The following XPNPEP3 variants were observed in gnomAD, a reference collection of about 807,000 sequenced individuals.
XPNPEP3 encodes X-prolyl aminopeptidase 3, also known as xaa-Pro aminopeptidase 3.
XPNPEP3 carries 41 observed loss-of-function variants against 60.0 expected under a neutral mutation model. The ratio of observed to expected loss-of-function variants is 0.68; its 90% CI spans 0.53 to 0.89. The LOEUF is 0.89. Among genes scored for constraint, XPNPEP3 ranks in the 40% least tolerant of loss-of-function variants. The pLI is 0.00. For missense variants in XPNPEP3, 598 were observed against 638.9 expected, an observed-to-expected ratio of 0.94 and a Z score of 0.69; for synonymous variants, 212 against 223.2, an observed-to-expected ratio of 0.95 and a Z score of 0.45.
intron 1 of XPNPEP3, among the ~76,000 whole-genome samples, chr22:40,863,043 T>C (rs1035660904): frequency 2.0e-5 from 3 of 152,338 alleles, no homozygotes; most frequent in East Asian, 1.9e-4. Context: ...GTCAGCCACA[T>C]AGTGATCTAA....
intron 2 of XPNPEP3, among the ~76,000 whole-genome samples, chr22:40,873,092 C>CTTTTTCT (rs2058013187): frequency 8.0e-6 from 1 of 125,580 alleles, no homozygotes; most frequent in African/African-American, 3.1e-5. Context: ...TTTTCTTTTT[C>CTTTTTCT]TTTTTCTTTT....
At chr22:40,907,377 C>T (rs1447554916) in intron 4 of XPNPEP3, among the ~76,000 whole-genome samples, 4 of 151,798 alleles carry the variant, frequency 2.6e-5, no homozygotes, top group Admixed American at 6.6e-5. Flanking sequence ...GCCGAGATCG[C>T]GCCACTGCAC....
Position 40,862,184 on chromosome 22 carries a change from G to A in XPNPEP3, c.64+4939G>A, listed in dbSNP as rs1176125372. 8.6e-6 allele frequency: 12 copies of A among 1,394,590 alleles called. No homozygotes were observed. In the East Asian group the frequency reaches 3.4e-4, roughly 39 times the overall value. The allele number at this position is 1,394,590 out of a possible 1,614,324, so 86.4% of individuals were successfully genotyped here. A position where few individuals can be genotyped will look rare whatever the true frequency, so the allele number is the denominator to read the frequency against. Reference sequence around the variant, plus strand: ...ATGTGGCAAGCAGAGTTACAAATATGTCAGAGAGGGCTGCATTATGGTGTC... The same window carrying A: ...ATGTGGCAAGCAGAGTTACAAATATATCAGAGAGGGCTGCATTATGGTGTC... On this transcript the variant is annotated intron_variant, in intron 1 of 9. Transcript: ENST00000357137.
intron 7 of XPNPEP3, among the ~76,000 whole-genome samples, chr22:40,915,931 A>G (rs557086234): frequency 1.3e-5 from 2 of 152,322 alleles, no homozygotes; most frequent in South Asian, 4.1e-4. Context: ...AAGCTATCCA[A>G]GTTAACAAAA....
rs1419536490 is a variant in XPNPEP3 at position 40,861,416 on chromosome 22, G to A, written c.64+4171G>A. 7.4e-6 allele frequency: 12 copies of A among 1,613,582 alleles called. No individual in the cohort carries two copies. The East Asian group carries it at 8.9e-5, about 12-fold the overall frequency. ...TTGTATTAATATTTCTGCCATTAAC[G>A]ATTTTGTCTGAAGTTGTAACAGATA... On this transcript the variant is annotated intron_variant, in intron 1 of 9. Coordinates refer to ENST00000357137, the MANE Select transcript of XPNPEP3 (RefSeq NM_022098.4).
rs1348052092 is a variant in XPNPEP3 at position 40,862,058 on chromosome 22, G to T, written c.64+4813G>T. 12 of 1,527,928 alleles carry T rather than the reference G, an allele frequency of 7.9e-6. No individual in the cohort carries two copies. The South Asian group carries it at 1.4e-4, about 17-fold the overall frequency. The allele number at this position is 1,527,928 out of a possible 1,614,324, so 94.6% of individuals were successfully genotyped here. Reference sequence around the variant, plus strand: ...GAGAACCGTGGTTTCCTCAGCTCAGGCTCTGCTGGTGGTGGTGATAGAGGT... The same window carrying T: ...GAGAACCGTGGTTTCCTCAGCTCAGTCTCTGCTGGTGGTGGTGATAGAGGT... On this transcript the variant is annotated intron_variant, in intron 1 of 9. Transcript: ENST00000357137.
At chr22:40,897,029 C>CTT (rs762152639) in intron 4 of XPNPEP3, among the ~76,000 whole-genome samples, 1,360 of 107,586 alleles carry the variant, frequency 0.013, 25 homozygotes, top group Middle Eastern at 0.018. Context: ...TTTCCTTCAT[C>CTT]TTTTTTTTTT....
chr22:40,891,285 A>G (rs928765413), intron 4 of XPNPEP3, among the ~76,000 whole-genome samples: 1 of 147,548 alleles, frequency 6.8e-6, no homozygotes, highest in Non-Finnish European at 1.5e-5. Context: ...ACTTGAGCCC[A>G]GGAAGTCAAG....
chr22:40,861,127 C>A, intron 1 of XPNPEP3: 1 of 1,612,078 alleles, frequency 6.2e-7, no homozygotes, highest in Non-Finnish European at 8.5e-7. Context: ...TTCCTCTTAC[C>A]ACCCTCTTTG....
intron 4 of XPNPEP3, among the ~76,000 whole-genome samples, chr22:40,903,464 G>A (rs989365543): frequency 6.6e-6 from 1 of 150,946 alleles, no homozygotes; most frequent in African/African-American, 2.4e-5. Flanking sequence ...TGTGATGGAC[G>A]TACATCTGTG....
At chr22:40,857,925 T>C (rs1398566973) in intron 1 of XPNPEP3, among the ~76,000 whole-genome samples, 2 of 152,214 alleles carry the variant, frequency 1.3e-5, no homozygotes, top group Non-Finnish European at 2.9e-5. Flanking sequence ...CAAAGCTATG[T>C]CTTGGCATAT....
At chr22:40,894,027 G>A (rs560773196) in intron 4 of XPNPEP3, among the ~76,000 whole-genome samples, 126 of 152,242 alleles carry the variant, frequency 8.3e-4, no homozygotes, top group African/African-American at 2.9e-3. Context: ...GGAGGAGAAC[G>A]CCAGACATGG....
intron 4 of XPNPEP3, among the ~76,000 whole-genome samples, chr22:40,895,668 T>TA (rs1242150509): frequency 6.6e-6 from 1 of 151,902 alleles, no homozygotes; most frequent in Non-Finnish European, 1.5e-5. Flanking sequence ...TTATAACTTT[T>TA]AAAAAAAATT....
At chr22:40,903,739 C>G (rs886559206) in intron 4 of XPNPEP3, among the ~76,000 whole-genome samples, 1 of 152,210 alleles carries the variant, frequency 6.6e-6, no homozygotes, top group East Asian at 1.9e-4. Flanking sequence ...CTACCTGCCT[C>G]AGCTTCCCAA....
At position 40,888,410 on chromosome 22, in the gene XPNPEP3, T is replaced by C. The variant is rs1485027605; in HGVS notation, c.792+1895T>C. The C allele has an allele frequency of 6.8e-6, 3 of 441,814 alleles. No homozygotes were observed. The East Asian group carries it at 2.3e-4, about 34-fold the overall frequency. 27.4% of individuals were successfully genotyped at this position (441,814 alleles called of 1,614,324 possible). A position where few individuals can be genotyped will look rare whatever the true frequency, so the allele number is the denominator to read the frequency against. ...TGGTGCATGCCACTATGCCTGCTAA[T>C]TTTTTAAATTTTTTGTAGAGACAGG... On this transcript the variant is annotated intron_variant, in intron 4 of 9. Coordinates refer to ENST00000357137, the MANE Select transcript of XPNPEP3 (RefSeq NM_022098.4).
At chr22:40,883,731 C>T (rs557768857) in intron 3 of XPNPEP3, among the ~76,000 whole-genome samples, 2 of 152,102 alleles carry the variant, frequency 1.3e-5, no homozygotes, top group South Asian at 2.1e-4. Flanking sequence ...TTAATCAATC[C>T]GAATGTTTTG....
intron 4 of XPNPEP3, among the ~76,000 whole-genome samples, chr22:40,892,631 A>G (rs2146258706): frequency 6.6e-6 from 1 of 152,302 alleles, no homozygotes; most frequent in South Asian, 2.1e-4. Flanking sequence ...TGTTAGTACA[A>G]CTATTTGTAC....
At chr22:40,897,084 T>G (rs867999506) in intron 4 of XPNPEP3, among the ~76,000 whole-genome samples, 21 of 142,078 alleles carry the variant, frequency 1.5e-4, no homozygotes, top group Middle Eastern at 4.0e-3. Flanking sequence ...CAGGCTGGAG[T>G]GCAGTGGCGC....
intron 1 of XPNPEP3, chr22:40,861,327 A>G (rs1419182212): frequency 6.2e-7 from 1 of 1,614,070 alleles, no homozygotes; most frequent in Non-Finnish European, 8.5e-7. Context: ...ACTATTTACA[A>G]GAAAAAATGT....
Sources: gnomAD v4.1 joint callset for allele counts (sites outside exome capture counted in the v4.1 genomes callset) on GRCh38, gnomAD v4.1.1 for gene constraint, MANE v1.5 for transcripts, NCBI Gene and HGNC (gene_info 2026-07-23, HGNC 2026-07-21) for gene names.